AFAP1L1: variants seen among roughly 807,000 people sequenced by gnomAD.
The protein encoded by AFAP1L1 is actin filament associated protein 1 like 1.
AFAP1L1 carries 77 observed loss-of-function variants against 99.8 expected under a neutral mutation model. That is an observed-to-expected ratio of 0.77 (90% CI 0.64 to 0.93). The LOEUF (loss-of-function observed/expected upper bound fraction) is 0.93. AFAP1L1 is among the 40% of genes least tolerant of loss of function. AFAP1L1 has a pLI of 0.00. For missense variants in AFAP1L1, 893 were observed against 996.8 expected (o/e 0.90, Z 1.40); for synonymous variants, 373 against 395.3 (o/e 0.94, Z 0.67).
rs144206318 is a variant in AFAP1L1 at position 149,278,014 on chromosome 5, G to A, written c.16+6030G>A. The stretch of plus-strand genomic sequence containing the variant: ...CCTCAAATATCAGTTTCAAACTCCC[G>A]TTTTCACATGAGTAAGCATTCTGCC... On this transcript the variant is annotated intron_variant, in intron 1 of 18. Coordinates refer to ENST00000296721, the MANE Select transcript of AFAP1L1 (RefSeq NM_152406.4). Among the ~76,000 whole-genome samples, 336 of 152,126 alleles carry A rather than the reference G, an allele frequency of 2.2e-3. 2 individuals carry two copies. Among genetic ancestry groups the A allele is most frequent in the Non-Finnish European group, 3.0e-3 (202 of 67,994 alleles).
intron 8 of AFAP1L1, among the ~76,000 whole-genome samples, chr5:149,310,437 G>A (rs1439672899): frequency 6.6e-6 from 1 of 152,194 alleles, no homozygotes; most frequent in Non-Finnish European, 1.5e-5. Context: ...TATGTACAAA[G>A]GAAGCTGATT....
chr5:149,336,535 G>A (rs186902734), intron 18 of AFAP1L1, among the ~76,000 whole-genome samples: 56 of 152,330 alleles, frequency 3.7e-4, no homozygotes, highest in African/African-American at 1.2e-3. Context: ...TTGGGAGGCC[G>A]AGAAGTCTCA....
At chr5:149,307,818 T>TTCTCTCTCTCCCTCTC (rs1756474744) in intron 7 of AFAP1L1, among the ~76,000 whole-genome samples, 8 of 100,504 alleles carry the variant, frequency 8.0e-5, no homozygotes, top group Middle Eastern at 6.5e-3. Flanking sequence ...GTGCCTCTCT[T>TTCTCTCTCTCCCTCTC]TCTCTCTCTC....
Position 149,316,318 on chromosome 5 carries a change from C to T in AFAP1L1, c.1267+15C>T, listed in dbSNP as rs574140538. 13 of 1,610,656 alleles carry T rather than the reference C, an allele frequency of 8.1e-6. No homozygotes were observed. Among genetic ancestry groups the T allele is most frequent in the East Asian group, 6.7e-5 (3 of 44,810 alleles). Reference sequence around the variant, plus strand: ...TCCCTGCTGTGGTGGGTCCAGGGCACGGGGAGGAAGGGTGCTCAGGTCCTG... The same window carrying T: ...TCCCTGCTGTGGTGGGTCCAGGGCATGGGGAGGAAGGGTGCTCAGGTCCTG... On this transcript the variant is annotated intron_variant, in intron 11 of 18. Transcript: ENST00000296721.
chr5:149,327,055 TGAA>T (rs981845726), intron 15 of AFAP1L1, among the ~76,000 whole-genome samples: 10 of 151,108 alleles, frequency 6.6e-5, no homozygotes, highest in African/African-American at 2.4e-4. Flanking sequence ...ATGACACACA[TGAA>T]GAAGCAGGAA....
rs1012178624 is a variant in AFAP1L1, at chr5:149,342,119, G to A, written c.*2089G>A. ...GTCACACAGGGCCCCATGCTTAGAA[G>A]GGCCCTGTTCTTGGTTTAATGCTCT... On this transcript the variant is annotated 3_prime_UTR_variant, in exon 19 of 19. Transcript: ENST00000296721. Among the ~76,000 whole-genome samples, 5 of 152,218 alleles carry A rather than the reference G, an allele frequency of 3.3e-5. No individual in the cohort carries two copies. The highest frequency in any genetic ancestry group is 6.5e-5 in the Admixed American group (1 of 15,284).
intron 1 of AFAP1L1, among the ~76,000 whole-genome samples, chr5:149,294,152 C>T (rs1047322001): frequency 6.6e-6 from 1 of 152,054 alleles, no homozygotes; most frequent in Non-Finnish European, 1.5e-5. Flanking sequence ...AGAGGTTGAA[C>T]CTTGGACTGC....
intron 5 of AFAP1L1, among the ~76,000 whole-genome samples, chr5:149,303,253 C>T: frequency 6.6e-6 from 1 of 151,792 alleles, no homozygotes; most frequent in Admixed American, 6.6e-5. Context: ...TAGGTGGGTG[C>T]AGTAAAATAA....
In AFAP1L1 at chr5:149,330,922, A is replaced by T. The variant is rs58072722; in HGVS notation, c.1975+1092A>T. On this transcript the variant is annotated intron_variant, in intron 16 of 18. Coordinates refer to ENST00000296721, the MANE Select transcript of AFAP1L1 (RefSeq NM_152406.4). ...TGCCTGATACATGGTAAGCATTTTTAAAAAAAATTTTTTTTTAATTTTTGC... is the reference window on the plus strand; with the variant it reads ...TGCCTGATACATGGTAAGCATTTTTTAAAAAAATTTTTTTTTAATTTTTGC... Among the ~76,000 whole-genome samples, 1,072 of 152,124 alleles carry T rather than the reference A, an allele frequency of 7.0e-3. 14 individuals are homozygous for T. The highest frequency in any genetic ancestry group is 0.023 in the African/African-American group (951 of 41,524).
At chr5:149,334,877 T>C (rs994362560) in intron 17 of AFAP1L1, among the ~76,000 whole-genome samples, 5 of 151,542 alleles carry the variant, frequency 3.3e-5, no homozygotes, top group African/African-American at 1.2e-4. Context: ...AGACTCTGTC[T>C]TACAAAAAAA....
At chr5:149,314,682 G>A (rs1374869465) in intron 9 of AFAP1L1, among the ~76,000 whole-genome samples, 1 of 152,162 alleles carries the variant, frequency 6.6e-6, no homozygotes, top group Non-Finnish European at 1.5e-5. Context: ...CAGCTGTCAT[G>A]TTTCCAGCCC....
At chr5:149,281,153 T>G (rs1224736272) in intron 1 of AFAP1L1, among the ~76,000 whole-genome samples, 1 of 152,132 alleles carries the variant, frequency 6.6e-6, no homozygotes, top group Non-Finnish European at 1.5e-5. Context: ...GTGGGGGGGT[T>G]GCTATGGGCA....
At chr5:149,295,193 A>T (rs962886544) in intron 1 of AFAP1L1, among the ~76,000 whole-genome samples, 1 of 152,172 alleles carries the variant, frequency 6.6e-6, no homozygotes, top group African/African-American at 2.4e-5. Context: ...CTTCTCTCAG[A>T]TGCATTCAGT....
At chr5:149,303,405 G>C (rs1176598278) in intron 5 of AFAP1L1, among the ~76,000 whole-genome samples, 5 of 152,144 alleles carry the variant, frequency 3.3e-5, no homozygotes, top group Non-Finnish European at 5.9e-5. Context: ...GAAGTCACTT[G>C]TTTGGGTAAA....
chr5:149,304,206 C>A (rs1441668695), intron 5 of AFAP1L1: 1 of 152,196 alleles, frequency 6.6e-6, no homozygotes, highest in Non-Finnish European at 1.5e-5. Flanking sequence ...GAACTTCTTT[C>A]CTTTCTATGG....
chr5:149,305,851 G>A (rs1174778676), intron 5 of AFAP1L1, among the ~76,000 whole-genome samples: 1 of 150,618 alleles, frequency 6.6e-6, no homozygotes, highest in African/African-American at 2.5e-5. Context: ...TCCCTGCAGT[G>A]CAAAAATCAG....
At chr5:149,318,748 T>C (rs1419663918) in intron 12 of AFAP1L1, among the ~76,000 whole-genome samples, 1 of 152,206 alleles carries the variant, frequency 6.6e-6, no homozygotes, top group Non-Finnish European at 1.5e-5. Context: ...GAATTTAAAA[T>C]GTTAACACTA....
intron 1 of AFAP1L1, among the ~76,000 whole-genome samples, chr5:149,291,002 T>C (rs550856620): frequency 4.9e-4 from 74 of 152,328 alleles, no homozygotes; most frequent in African/African-American, 1.7e-3. Context: ...AATCTTGCCA[T>C]GTGAAGTGCC....
intron 1 of AFAP1L1, among the ~76,000 whole-genome samples, chr5:149,274,534 A>G (rs1276405773): frequency 2.0e-5 from 3 of 152,208 alleles, no homozygotes; most frequent in East Asian, 1.9e-4. Flanking sequence ...ACAACCGTTT[A>G]TGAATCAGAA....
Sources: gnomAD v4.1 joint callset for allele counts (sites outside exome capture counted in the v4.1 genomes callset) on GRCh38, gnomAD v4.1.1 for gene constraint, MANE v1.5 for transcripts, NCBI Gene and HGNC (gene_info 2026-07-23, HGNC 2026-07-21) for gene names.